AKT1S1: variants seen among roughly 807,000 people sequenced by gnomAD.
AKT1S1 encodes AKT1 substrate 1, also known as proline-rich AKT1 substrate 1.
AKT1S1 carries 17 observed loss-of-function variants against 21.2 expected under a neutral mutation model. The ratio of observed to expected loss-of-function variants is 0.80; its 90% CI spans 0.55 to 1.20. The LOEUF (loss-of-function observed/expected upper bound fraction) is 1.20, where lower values mean the gene tolerates loss of function less well. AKT1S1 is among the 50% of genes most tolerant of loss of function. AKT1S1 has a pLI of 0.00. For synonymous variants in AKT1S1, 181 were observed against 165.6 expected (o/e 1.09, Z -0.72); for missense variants, 366 against 368.3 (o/e 0.99, Z 0.05).
chr19:49,876,396 C>T, intron 1 of AKT1S1: 3 of 1,128,742 alleles, frequency 2.7e-6, no homozygotes, highest in African/African-American at 1.6e-5. Context: ...CAAGGTGAGA[C>T]TGTCTACGAT....
At chr19:49,871,953 C>T in intron 2 of AKT1S1, 64 bp from the exon 3 acceptor site, 3 of 1,542,746 alleles carry the variant, frequency 1.9e-6, no homozygotes, top group Non-Finnish European at 2.7e-6. Flanking sequence ...ATGTGTCCTC[C>T]TCCTCAGCCA....
chr19:49,873,275 C>G lies in AKT1S1; in HGVS notation c.21G>C (p.Glu7Asp). The change falls in exon 2 of 5, where the codon GAG (glutamate) becomes GAC (aspartate). Residue 7 changes from glutamate to aspartate, a missense_variant. Physicochemically the swap from Glu to Asp is conservative, Grantham distance 45. Transcript: ENST00000344175. This position sits in a 1 kb window ranked among gnomAD's most constrained non-coding sequence, Gnocchi z 6.9. ...CCCCCACCACGGCCTCCCACAGCTC[C>G]TCGGGGCGCCCCGACGCCATCCGCG... Reference protein sequence around the residue: MASGRPEELWEAVVGAA... With the variant: MASGRPDELWEAVVGAA... 1 of 1,519,770 alleles carries G rather than the reference C, an allele frequency of 6.6e-7. No individual in the cohort carries two copies. Among genetic ancestry groups the G allele is most frequent in the Non-Finnish European group, 8.7e-7 (1 of 1,143,752 alleles). 94.1% of individuals were successfully genotyped at this position (1,519,770 alleles called of 1,614,324 possible). A position where few individuals can be genotyped will look rare whatever the true frequency, so the allele number is the denominator to read the frequency against.
rs1311668081 is a variant in AKT1S1 at position 49,872,933 on chromosome 19, G to C, written c.363C>G (p.Gly121=). Residue 121 remains glycine (G), a synonymous_variant, in exon 2 of 5, where the codon GGC becomes GGG. Coordinates refer to ENST00000344175, the MANE Select transcript of AKT1S1 (RefSeq NM_001098633.4). ...CCCTCTCACCTCCATTATCACTAAT[G>C]CCCAGCTGCTCCCCGGAGGTCTCTG... ...TETETSGEQL[G]ISDNGGLFVM... 1.3e-5 allele frequency: 20 copies of C among 1,562,536 alleles called. No homozygotes were observed. Among genetic ancestry groups the C allele is most frequent in the Non-Finnish European group, 1.7e-5 (20 of 1,145,040 alleles).
At chr19:49,871,046 CCT>C (rs2074877997) in intron 4 of AKT1S1, among the ~76,000 whole-genome samples, 2 of 152,296 alleles carry the variant, frequency 1.3e-5, no homozygotes, top group Middle Eastern at 3.4e-3. Flanking sequence ...TCACATGTCC[CCT>C]CAGTGCCTCA....
At chr19:49,878,265 C>A (rs2074977843), upstream of AKT1S1, 1 of 1,547,622 alleles carries the variant, frequency 6.5e-7, no homozygotes, top group Non-Finnish European at 8.7e-7. Flanking sequence ...GAGCAGGGCT[C>A]GGACCCGCTC....
chr19:49,877,601 T>G (rs731826), upstream of AKT1S1: 425,138 of 1,048,302 alleles, frequency 0.41, 88,125 homozygotes, highest in Middle Eastern at 0.52. Flanking sequence ...CACCCGCTCC[T>G]TCTCTAGAAC....
chr19:49,873,057 G>T lies in AKT1S1; in HGVS notation c.239C>A (p.Pro80His). Residue 80 changes from proline to histidine, a missense_variant, in exon 2 of 5, where the codon CCC becomes CAC. Pro to His is a moderately conservative substitution (Grantham distance 77). Transcript: ENST00000344175. This position sits in a 1 kb window ranked among gnomAD's most constrained non-coding sequence, Gnocchi z 6.9. ...ACTGGGTGGCTGTGGTGCTGGTGGGGGCGCAGGAGGCCGAGCAGCAGTGGC... is the reference window on the plus strand; with the variant it reads ...ACTGGGTGGCTGTGGTGCTGGTGGGTGCGCAGGAGGCCGAGCAGCAGTGGC... ...RAATAARPPAPPPAPQPPSPT... is the reference protein window; with the variant it reads ...RAATAARPPAHPPAPQPPSPT... 2 of 1,556,798 alleles carry T rather than the reference G, an allele frequency of 1.3e-6. No individual in the cohort carries two copies. Among genetic ancestry groups the T allele is most frequent in the Non-Finnish European group, 8.7e-7 (1 of 1,151,714 alleles).
chr19:49,869,850 C>T lies in AKT1S1; in HGVS notation c.*67G>A, dbSNP rs1440294878. On this transcript the variant is annotated 3_prime_UTR_variant, in exon 5 of 5. Coordinates refer to ENST00000344175, the MANE Select transcript of AKT1S1 (RefSeq NM_001098633.4). ...GGATCGGCCTCAGATTAGCAGGCCC[C>T]GGGAGTGGGGCGGGGGCGTAGTGTG... The T allele has an allele frequency of 5.9e-6, 8 of 1,366,620 alleles. No homozygotes were observed. In the East Asian group the frequency reaches 1.8e-4, roughly 31 times the overall value. 84.7% of individuals were successfully genotyped at this position (1,366,620 alleles called of 1,614,324 possible).
chr19:49,871,919 C>A, intron 2 of AKT1S1, 30 bp from the exon 3 acceptor site: 1 of 1,606,930 alleles, frequency 6.2e-7, no homozygotes, highest in Non-Finnish European at 8.5e-7. Flanking sequence ...GAGGCCCAGG[C>A]CAGGCAGCAC....
At chr19:49,872,193 G>C (rs1450114983) in intron 2 of AKT1S1, among the ~76,000 whole-genome samples, 8 of 152,184 alleles carry the variant, frequency 5.3e-5, no homozygotes, top group Admixed American at 1.3e-4. Flanking sequence ...AACATGCAAT[G>C]ACTATGACCT....
Position 49,873,258 on chromosome 19 carries a change from A to G in AKT1S1, c.38T>C (p.Val13Ala). The change falls in exon 2 of 5, where the codon GTG becomes GCG. Residue 13 changes from valine (V) to alanine (A), a missense_variant. By Grantham distance (64) the Val-to-Ala change is moderately conservative (BLOSUM62 0). Transcript: ENST00000344175. This position sits in a 1 kb window ranked among gnomAD's most constrained non-coding sequence, Gnocchi z 6.9. ...SGRPEELWEA[V>A]VGAAERFRAR... ...CCGGAAGCGCTCAGCGGCCCCCACCACGGCCTCCCACAGCTCCTCGGGGCG... is the reference window on the plus strand; with the variant it reads ...CCGGAAGCGCTCAGCGGCCCCCACCGCGGCCTCCCACAGCTCCTCGGGGCG... 6.5e-7 allele frequency: 1 copy of G among 1,532,898 alleles called. No individual in the cohort carries two copies. The allele number at this position is 1,532,898 out of a possible 1,614,324, so 95.0% of individuals were successfully genotyped here.
chr19:49,875,096 A>G (rs1468132715), intron 1 of AKT1S1: 1 of 152,274 alleles, frequency 6.6e-6, no homozygotes, highest in African/African-American at 2.4e-5. Context: ...ACTATGAGAC[A>G]GGAGCTTTAG....
chr19:49,871,700 C>T lies in AKT1S1; in HGVS notation c.474G>A (p.Glu158=). 6.2e-7 allele frequency: 1 copy of T among 1,612,878 alleles called. No individual in the cohort carries two copies. Among genetic ancestry groups the T allele is most frequent in the Non-Finnish European group, 8.5e-7 (1 of 1,179,404 alleles). Residue 158 remains glutamate (E), a synonymous_variant, in exon 4 of 5, where the codon GAG becomes GAA. Coordinates refer to ENST00000344175, the MANE Select transcript of AKT1S1 (RefSeq NM_001098633.4). ...PESTDDGSLS[E]ETPAGPPTCS... is the part of the protein sequence containing the mutation. The stretch of plus-strand genomic sequence containing the variant: ...AGGTGGGGGGGCCGGCGGGGGTCTC[C>T]TCGCTCAGGCTGCCATCTGAAAGAG...
chr19:49,876,371 G>A, intron 1 of AKT1S1: 1 of 1,179,542 alleles, frequency 8.5e-7, no homozygotes, highest in Non-Finnish European at 1.1e-6. Context: ...AGAGATCCCA[G>A]GCGCTCTGGA....
chr19:49,876,454 C>A (rs1391521215), intron 1 of AKT1S1: 19 of 1,151,258 alleles, frequency 1.7e-5, no homozygotes, highest in Non-Finnish European at 5.6e-6. Flanking sequence ...CCCCTTCCAG[C>A]GCTCAGCAAA....
At chr19:49,876,693 C>T (rs2074950461) in intron 1 of AKT1S1, 1 of 1,457,274 alleles carries the variant, frequency 6.9e-7, no homozygotes, top group Non-Finnish European at 9.1e-7. Context: ...GTTGCCCCGC[C>T]TCCTCTCCGC....
At position 49,869,874 on chromosome 19, in the gene AKT1S1, T is replaced by C; in HGVS notation, c.*43A>G. 1 of 1,433,050 alleles carries C rather than the reference T, an allele frequency of 7.0e-7. No individual in the cohort carries two copies. The highest frequency in any genetic ancestry group is 1.4e-5 in the South Asian group (1 of 70,836). The allele number at this position is 1,433,050 out of a possible 1,614,324, so 88.8% of individuals were successfully genotyped here. On this transcript the variant is annotated 3_prime_UTR_variant, in exon 5 of 5. Transcript: ENST00000344175. Reference sequence around the variant, plus strand: ...CCGGGAGTGGGGCGGGGGCGTAGTGTGGGACGGGGCGGACGCGGCCCGGGG... The same window carrying C: ...CCGGGAGTGGGGCGGGGGCGTAGTGCGGGACGGGGCGGACGCGGCCCGGGG...
chr19:49,876,172 C>T (rs2074940815), intron 1 of AKT1S1: 4 of 1,005,742 alleles, frequency 4.0e-6, no homozygotes, highest in Non-Finnish European at 4.7e-6. Flanking sequence ...CCTGGGGCCA[C>T]GCTCAGCTGC....
At chr19:49,875,237 C>T (rs1038048832) in intron 1 of AKT1S1, 1 of 152,218 alleles carries the variant, frequency 6.6e-6, no homozygotes, top group Non-Finnish European at 1.5e-5. Context: ...TGTTCTAAAT[C>T]CTGACCGCCA....
Sources: gnomAD v4.1 joint callset for allele counts (sites outside exome capture counted in the v4.1 genomes callset) on GRCh38, gnomAD v4.1.1 for gene constraint, Gnocchi (gnomAD v3.1) non-coding constraint, MANE v1.5 for transcripts, NCBI Gene and HGNC (gene_info 2026-07-23, HGNC 2026-07-21) for gene names.